The following MAD1L1 variants were observed in gnomAD, a reference collection of about 807,000 sequenced individuals.
MAD1L1 encodes mitotic arrest deficient 1 like 1.
In MAD1L1, 95 loss-of-function variants were observed where a neutral mutation model predicts 96.9. The observed-to-expected ratio is 0.98, with a 90% CI of 0.83 to 1.16. MAD1L1 has a LOEUF of 1.16. MAD1L1 is among the 50% of genes most tolerant of loss of function. The pLI is 0.00. For missense variants in MAD1L1, 1,007 were observed against 954.4 expected, an observed-to-expected ratio of 1.06 and a Z score of -0.73; for synonymous variants, 473 against 396.6, an observed-to-expected ratio of 1.19 and a Z score of -2.29.
chr7:2,015,850 T>C (rs1782516146), intron 12 of MAD1L1, among the ~76,000 whole-genome samples: 1 of 152,234 alleles, frequency 6.6e-6, no homozygotes, highest in Admixed American at 6.5e-5. Context: ...CCTGGGAATC[T>C]GCCCTTCTAA....
intron 10 of MAD1L1, among the ~76,000 whole-genome samples, chr7:2,151,378 C>T (rs868527841): frequency 2.0e-5 from 3 of 152,354 alleles, no homozygotes; most frequent in South Asian, 2.1e-4. Context: ...GCCAAGACCA[C>T]CCCGCCTCAC....
intron 10 of MAD1L1, among the ~76,000 whole-genome samples, chr7:2,165,790 C>A (rs899524945): frequency 1.3e-5 from 2 of 152,180 alleles, no homozygotes; most frequent in African/African-American, 4.8e-5. Context: ...CAGGGCGAGA[C>A]AGAGTGCCCC....
At chr7:2,219,566 A>C in intron 5 of MAD1L1, 110 bp from the exon 6 acceptor site, 1 of 1,200,814 alleles carries the variant, frequency 8.3e-7, no homozygotes, top group Non-Finnish European at 1.2e-6. Flanking sequence ...CACGTGCTAT[A>C]ATCAGGGCAG....
chr7:2,156,258 G>A (rs972444952), intron 10 of MAD1L1, among the ~76,000 whole-genome samples: 15 of 150,098 alleles, frequency 1.0e-4, no homozygotes, highest in Admixed American at 5.9e-4. Context: ...TTCACGGCGC[G>A]TGTGGCGAGG....
intron 11 of MAD1L1, among the ~76,000 whole-genome samples, chr7:2,111,800 AAACGCACACACCGCG>A (rs1296450525): frequency 6.6e-6 from 1 of 151,860 alleles, no homozygotes; most frequent in South Asian, 2.1e-4. Flanking sequence ...CACACACAGC[AAACGCACACACCGCG>A]AACGCACACA....
intron 12 of MAD1L1, among the ~76,000 whole-genome samples, chr7:2,017,755 C>G (rs900451384): frequency 1.3e-5 from 2 of 152,178 alleles, no homozygotes; most frequent in African/African-American, 4.8e-5. Context: ...TGAGTATAAG[C>G]CCCAAGCATG....
intron 17 of MAD1L1, among the ~76,000 whole-genome samples, chr7:1,922,915 C>G (rs935354506): frequency 6.6e-6 from 1 of 152,210 alleles, no homozygotes; most frequent in African/African-American, 2.4e-5. Context: ...ATGGATTGTA[C>G]CAGCTGACGC....
At chr7:1,982,184 C>CTA (rs1780936816) in intron 14 of MAD1L1, among the ~76,000 whole-genome samples, 1 of 151,410 alleles carries the variant, frequency 6.6e-6, no homozygotes, top group African/African-American at 2.4e-5. Flanking sequence ...CTTTTTTTCA[C>CTA]TATATATATA....
chr7:2,033,337 A>C (rs1783318383), intron 12 of MAD1L1, among the ~76,000 whole-genome samples: 1 of 152,186 alleles, frequency 6.6e-6, no homozygotes, highest in South Asian at 2.1e-4. Context: ...CTGCACTAGA[A>C]CTAAAGGAAA....
chr7:2,173,344 TG>T (rs1790798506), intron 10 of MAD1L1, among the ~76,000 whole-genome samples: 1 of 152,142 alleles, frequency 6.6e-6, no homozygotes, highest in African/African-American at 2.4e-5. Context: ...CAGCTCTAGC[TG>T]CCCCGCGTCT....
rs183607270 is a variant in MAD1L1 at position 1,919,533 on chromosome 7, C to T, written c.1807+17154G>A. On this transcript the variant is annotated intron_variant, in intron 17 of 18. Transcript: ENST00000265854. ...TGGGAGCCACTTTTGTTTCTCTACCCACCAGCCTGGCTCAGCTTCTACCAA... is the reference window on the plus strand; with the variant it reads ...TGGGAGCCACTTTTGTTTCTCTACCTACCAGCCTGGCTCAGCTTCTACCAA... Among the ~76,000 whole-genome samples the T allele has an allele frequency of 3.0e-3, 451 of 152,374 alleles. 1 individual carries two copies. The highest frequency in any genetic ancestry group is 4.6e-3 in the Non-Finnish European group (314 of 68,042).
chr7:2,140,332 C>T (rs1037831975), intron 11 of MAD1L1, among the ~76,000 whole-genome samples: 2 of 152,226 alleles, frequency 1.3e-5, no homozygotes, highest in Admixed American at 6.5e-5. Context: ...TGTTCTTACA[C>T]AGGACCCTCA....
chr7:2,066,873 C>T (rs919120165), intron 12 of MAD1L1, among the ~76,000 whole-genome samples: 16 of 152,244 alleles, frequency 1.1e-4, no homozygotes, highest in African/African-American at 3.6e-4. Flanking sequence ...CAGGCCCACA[C>T]GTGACCTGTC....
chr7:2,080,406 G>A (rs560945570), intron 11 of MAD1L1, among the ~76,000 whole-genome samples: 16 of 152,286 alleles, frequency 1.1e-4, no homozygotes, highest in East Asian at 7.7e-4. Context: ...ACCTGAGGCC[G>A]GGCGACTGCA....
At chr7:1,843,137 T>C (rs1226424792) in intron 18 of MAD1L1, among the ~76,000 whole-genome samples, 1 of 152,138 alleles carries the variant, frequency 6.6e-6, no homozygotes, top group African/African-American at 2.4e-5. Context: ...GATGGCACAG[T>C]GCCGGGATCC....
chr7:1,971,347 C>G (rs1216102908), intron 15 of MAD1L1, among the ~76,000 whole-genome samples: 1 of 152,208 alleles, frequency 6.6e-6, no homozygotes, highest in Admixed American at 6.5e-5. Flanking sequence ...ACACAGAATT[C>G]TCTCGCACAG....
In MAD1L1 at chr7:2,142,965, C is replaced by A. The variant is rs549808364; in HGVS notation, c.1073+6187G>T. 6.6e-6 allele frequency among the ~76,000 whole-genome samples: 1 copy of A among 152,336 alleles called. No homozygotes were observed. The highest frequency in any genetic ancestry group is 1.9e-4 in the East Asian group (1 of 5,178). On this transcript the variant is annotated intron_variant, in intron 11 of 18. Transcript: ENST00000265854. This position sits in a 1 kb window ranked among gnomAD's most constrained non-coding sequence, Gnocchi z 4.7. The stretch of plus-strand genomic sequence containing the variant: ...CGTCTGATCATCACCACTGGCCACA[C>A]ACAGGAGACATCCTGCCCCACAGAG...
chr7:2,168,838 G>A (rs1033279628), intron 10 of MAD1L1, among the ~76,000 whole-genome samples: 3 of 152,344 alleles, frequency 2.0e-5, no homozygotes, highest in Middle Eastern at 6.8e-3. Flanking sequence ...AGGCCACCGG[G>A]AGGACTCAGG....
At chr7:2,167,882 T>C (rs1227305500) in intron 10 of MAD1L1, among the ~76,000 whole-genome samples, 1 of 151,456 alleles carries the variant, frequency 6.6e-6, no homozygotes, top group Non-Finnish European at 1.5e-5. Flanking sequence ...AAACAAAAAT[T>C]TTTTAAGAAG....
Sources: allele counts gnomAD v4.1 joint callset (sites outside exome capture counted in the v4.1 genomes callset), GRCh38; gene constraint gnomAD v4.1.1; non-coding constraint Gnocchi (gnomAD v3.1); transcripts MANE v1.5; gene names NCBI Gene and HGNC (gene_info 2026-07-23, HGNC 2026-07-21).